NFATC1: variants seen among roughly 807,000 people sequenced by gnomAD.
NFATC1 encodes nuclear factor of activated T-cells, cytoplasmic 1.
NFATC1 carries 22 observed loss-of-function variants against 76.0 expected under a neutral mutation model. The ratio of observed to expected loss-of-function variants is 0.29; its 90% CI spans 0.21 to 0.41. The LOEUF (loss-of-function observed/expected upper bound fraction) is 0.41, where lower values mean the gene tolerates loss of function less well. NFATC1 is among the 10% of genes least tolerant of loss of function. NFATC1 has a pLI of 1.00. For synonymous variants in NFATC1, 704 were observed against 613.1 expected, an observed-to-expected ratio of 1.15 and a Z score of -2.19; for missense variants, 1,357 against 1,337.7, an observed-to-expected ratio of 1.01 and a Z score of -0.23.
intron 2 of NFATC1, among the ~76,000 whole-genome samples, chr18:79,416,949 C>T (rs947364051): frequency 6.6e-6 from 1 of 152,180 alleles, no homozygotes; most frequent in East Asian, 1.9e-4. Context: ...GGGTACTGGG[C>T]TGGGCTGGCT....
In NFATC1 at chr18:79,465,777, C is replaced by T. The variant is rs7235273; in HGVS notation, c.1960-1673C>T. Among the ~76,000 whole-genome samples, 39,788 of 151,514 alleles carry T rather than the reference C, an allele frequency of 0.26. 5,319 individuals are homozygous for T. The highest frequency in any genetic ancestry group is 0.37 in the East Asian group (1,888 of 5,164). ...ATTCAGAAAACAGCCTTGGAGGAAG[C>T]GTCTCTTTATCCCCCGTACAAATGC... On this transcript the variant is annotated intron_variant, in intron 7 of 9. Coordinates refer to ENST00000427363, the MANE Select transcript of NFATC1 (RefSeq NM_001278669.2). This position sits in a 1 kb window ranked among gnomAD's most constrained non-coding sequence, Gnocchi z 4.2.
At chr18:79,467,359 G>A in intron 7 of NFATC1, 91 bp from the exon 8 acceptor site, 1 of 1,318,394 alleles carries the variant, frequency 7.6e-7, no homozygotes, top group Non-Finnish European at 1.0e-6. Context: ...TGGCCGCCGT[G>A]GAAACGCGGG....
intron 1 of NFATC1, among the ~76,000 whole-genome samples, chr18:79,404,311 C>CTT (rs1447538356): frequency 6.6e-6 from 1 of 152,204 alleles, no homozygotes; most frequent in Non-Finnish European, 1.5e-5. Context: ...TCCTATTTGC[C>CTT]TTTGTAAATC....
At chr18:79,413,191 A>G (rs914985050) in intron 2 of NFATC1, among the ~76,000 whole-genome samples, 1 of 152,230 alleles carries the variant, frequency 6.6e-6, no homozygotes, top group Non-Finnish European at 1.5e-5. Context: ...AGATAAGGGA[A>G]GAGTGATGTC....
chr18:79,409,602 T>C (rs1286403891), intron 1 of NFATC1, among the ~76,000 whole-genome samples: 1 of 152,136 alleles, frequency 6.6e-6, no homozygotes, highest in African/African-American at 2.4e-5. Flanking sequence ...TCCATCACCA[T>C]CCATCTACCT....
chr18:79,527,293 G>A (rs2090793507), intron 9 of NFATC1: 1 of 503,806 alleles, frequency 2.0e-6, no homozygotes, highest in Middle Eastern at 5.3e-4. Flanking sequence ...AGACGTGCTG[G>A]TACCGTGCTA....
intron 9 of NFATC1, among the ~76,000 whole-genome samples, chr18:79,488,197 G>A (rs1437709312): frequency 6.6e-6 from 1 of 152,110 alleles, no homozygotes; most frequent in Non-Finnish European, 1.5e-5. Flanking sequence ...TAAGGAGGAT[G>A]CATGCAAATA....
At position 79,487,020 on chromosome 18, in the gene NFATC1, G is replaced by A. The variant is rs145001288; in HGVS notation, c.2782+83G>A. On this transcript the variant is annotated intron_variant, in intron 9 of 9. Coordinates refer to ENST00000427363, the MANE Select transcript of NFATC1 (RefSeq NM_001278669.2). ...TGGAGGGGCCGTGTGCGTGCTGCGTGTGTGGCACGTGTGGAAGTGCACCGA... is the reference window on the plus strand; with the variant it reads ...TGGAGGGGCCGTGTGCGTGCTGCGTATGTGGCACGTGTGGAAGTGCACCGA... 458 of 1,404,660 alleles carry A rather than the reference G, an allele frequency of 3.3e-4. No homozygotes were observed. The African/African-American group carries it at 5.9e-3, about 18-fold the overall frequency. The allele number at this position is 1,404,660 out of a possible 1,614,324, so 87.0% of individuals were successfully genotyped here.
Position 79,486,357 on chromosome 18 carries a change from C to G in NFATC1, c.2202C>G (p.Leu734=). The G allele has an allele frequency of 6.2e-7, 1 of 1,613,122 alleles. No homozygotes were observed. Among genetic ancestry groups the G allele is most frequent in the Non-Finnish European group, 8.5e-7 (1 of 1,180,014 alleles). ...CAAGACCATACTACAGCCAGCAGCT[C>G]GCGATGCCACCCGACCCCAGCTCCT... ...PLPRPYYSQQ[L]AMPPDPSSCL... Residue 734 remains leucine, a synonymous_variant, in exon 9 of 10, where the codon CTC becomes CTG. Transcript: ENST00000427363.
chr18:79,483,239 T>TGTCACTCCAGCGTGACCTGGTCCTGGGGC (rs2089364026), intron 8 of NFATC1, among the ~76,000 whole-genome samples: 3 of 99,972 alleles, frequency 3.0e-5, no homozygotes, highest in Admixed American at 1.0e-4. Flanking sequence ...GGTCCTGGGG[T>TGTCACTCCAGCGTGACCTGGTCCTGGGGC]GTCACTCCAG....
intron 9 of NFATC1, among the ~76,000 whole-genome samples, chr18:79,525,779 C>A (rs1195545306): frequency 6.6e-6 from 1 of 152,250 alleles, no homozygotes; most frequent in African/African-American, 2.4e-5. Flanking sequence ...CCTTCCCCCA[C>A]AGGTGGGGCC....
chr18:79,486,729 G>A lies in NFATC1; in HGVS notation c.2574G>A (p.Pro858=), dbSNP rs771269534. ...CACTCCCGCCTGCCACCCAAGAGCC[G>A]ACCTGCCTGCAGCCCTGCAGCCCAG... is the stretch of plus-strand genomic sequence containing the variant. ...SPPLPPATQE[P]TCLQPCSPAC... The change falls in exon 9 of 10, where the codon CCG becomes CCA. Residue 858 remains proline (P), a synonymous_variant. Coordinates refer to ENST00000427363, the MANE Select transcript of NFATC1 (RefSeq NM_001278669.2). 8.6e-5 allele frequency: 137 copies of A among 1,598,830 alleles called. No homozygotes were observed. The South Asian group carries it at 9.0e-4, about 11-fold the overall frequency.
At chr18:79,418,899 G>A (rs150027143) in intron 2 of NFATC1, among the ~76,000 whole-genome samples, 22 of 152,214 alleles carry the variant, frequency 1.4e-4, no homozygotes, top group Non-Finnish European at 2.9e-4. Context: ...TCTCCCAGGC[G>A]TGTGTGGAAG....
At chr18:79,521,701 G>C (rs1269718583) in intron 9 of NFATC1, among the ~76,000 whole-genome samples, 2 of 83,950 alleles carry the variant, frequency 2.4e-5, no homozygotes, top group Non-Finnish European at 4.7e-5. Flanking sequence ...TGTGTGTGTG[G>C]GGAGCATCCA....
At chr18:79,413,324 T>C (rs2085763500) in intron 2 of NFATC1, among the ~76,000 whole-genome samples, 1 of 152,210 alleles carries the variant, frequency 6.6e-6, no homozygotes, top group Admixed American at 6.5e-5. Context: ...ACGGGTGGCC[T>C]TCATAGCAGG....
rs1019263692 is a variant in NFATC1, at chr18:79,524,723, C to T, written c.2783-2805C>T. Among the ~76,000 whole-genome samples the T allele has an allele frequency of 2.0e-5, 3 of 152,064 alleles. No homozygotes were observed. Among genetic ancestry groups the T allele is most frequent in the South Asian group, 2.1e-4 (1 of 4,818 alleles). Reference sequence around the variant, plus strand: ...GAGCAAAGGAGGCTGTGGTGGCCCCCGACGGGAACCTGGGTGGCCGGGGGA... The same window carrying T: ...GAGCAAAGGAGGCTGTGGTGGCCCCTGACGGGAACCTGGGTGGCCGGGGGA... On this transcript the variant is annotated intron_variant, in intron 9 of 9. Coordinates refer to ENST00000427363, the MANE Select transcript of NFATC1 (RefSeq NM_001278669.2). This position sits in a 1 kb window ranked among gnomAD's most constrained non-coding sequence, Gnocchi z 7.2.
chr18:79,430,558 T>C (rs934037754), intron 2 of NFATC1, among the ~76,000 whole-genome samples: 1 of 152,186 alleles, frequency 6.6e-6, no homozygotes, highest in Non-Finnish European at 1.5e-5. Flanking sequence ...AATTTTTGTA[T>C]TTTTAGTGGA....
chr18:79,481,025 G>C (rs2089253585), intron 8 of NFATC1, among the ~76,000 whole-genome samples: 1 of 152,244 alleles, frequency 6.6e-6, no homozygotes, highest in Non-Finnish European at 1.5e-5. Flanking sequence ...CTTCTGAGCG[G>C]GAGAGATGTG....
At chr18:79,481,765 G>A (rs2089279400) in intron 8 of NFATC1, among the ~76,000 whole-genome samples, 2 of 152,232 alleles carry the variant, frequency 1.3e-5, no homozygotes, top group African/African-American at 4.8e-5. Flanking sequence ...CGTCTGGGGT[G>A]TAATTCCAGC....
Sources: gnomAD v4.1 joint callset for allele counts (sites outside exome capture counted in the v4.1 genomes callset) on GRCh38, gnomAD v4.1.1 for gene constraint, Gnocchi (gnomAD v3.1) non-coding constraint, MANE v1.5 for transcripts, NCBI Gene and HGNC (gene_info 2026-07-23, HGNC 2026-07-21) for gene names.